The following TENM2 variants were observed in gnomAD, a reference collection of about 807,000 sequenced individuals.
TENM2 encodes the protein teneurin-2.
A neutral mutation model predicts 245.2 loss-of-function variants in TENM2; 52 were observed. The ratio of observed to expected loss-of-function variants is 0.21; its 90% confidence interval spans 0.17 to 0.27. The LOEUF is 0.27. Among genes scored for constraint, TENM2 ranks in the 10% least tolerant of loss-of-function variants. TENM2 has a pLI of 1.00. For synonymous variants in TENM2, 1,363 were observed against 1,438.9 expected (o/e 0.95, Z 1.19); for missense variants, 3,046 against 3,666.8 (o/e 0.83, Z 4.37).
At chr5:168,122,377 C>T (rs57005148) in intron 10 of TENM2, among the ~76,000 whole-genome samples, 45,783 of 151,962 alleles carry the variant, frequency 0.3, 7,369 homozygotes, top group East Asian at 0.62. Flanking sequence ...AGAGTTTCAC[C>T]GTGTTAGCCA....
intron 1 of TENM2, among the ~76,000 whole-genome samples, chr5:167,337,634 A>G (rs1001840548): frequency 7.2e-5 from 11 of 152,194 alleles, no homozygotes; most frequent in Non-Finnish European, 1.2e-4. Context: ...ATGAGCAGTC[A>G]TCTTCCAGAA....
At chr5:167,919,193 T>C (rs1777166470) in intron 3 of TENM2, among the ~76,000 whole-genome samples, 1 of 152,196 alleles carries the variant, frequency 6.6e-6, no homozygotes, top group Admixed American at 6.5e-5. Flanking sequence ...GATCAACAAT[T>C]TGTTTTAATC....
intron 17 of TENM2, among the ~76,000 whole-genome samples, chr5:168,201,700 G>T (rs546749397): frequency 6.6e-6 from 1 of 152,184 alleles, no homozygotes; most frequent in South Asian, 2.1e-4. Context: ...CTTTGTCTCA[G>T]GATCCCATTA....
chr5:167,696,150 TATG>T lies in TENM2; in HGVS notation c.503-179833_503-179831del, dbSNP rs1365704249. 5.9e-5 allele frequency among the ~76,000 whole-genome samples: 9 copies of T among 152,300 alleles called. No homozygotes were observed. In the South Asian group the frequency reaches 6.2e-4, roughly 11 times the overall value. ...ATGATGAAAATCATGAGGTGATATT[TATG>T]ATATTTGAAGGGTTGGTATTTGGGA... On this transcript the variant is annotated intron_variant, in intron 2 of 28. Transcript: ENST00000518659.
intron 3 of TENM2, among the ~76,000 whole-genome samples, chr5:167,923,476 A>G (rs1344277338): frequency 6.6e-6 from 1 of 152,168 alleles, no homozygotes; most frequent in Non-Finnish European, 1.5e-5. Flanking sequence ...TAAATAATTT[A>G]AATTACCTGT....
chr5:167,959,477 C>T lies in TENM2; in HGVS notation c.947+6655C>T, dbSNP rs1470268534. ...CTTCAATCCCTGAAATCCTTTCTTC[C>T]ACTTAATCTATTTGGCTATTGATAC... On this transcript the variant is annotated intron_variant, in intron 4 of 28. Transcript: ENST00000518659. 2.6e-5 allele frequency among the ~76,000 whole-genome samples: 4 copies of T among 152,270 alleles called. No individual in the cohort carries two copies. In the East Asian group the frequency reaches 7.7e-4, roughly 29 times the overall value.
intron 2 of TENM2, among the ~76,000 whole-genome samples, chr5:167,439,887 A>G: frequency 6.6e-6 from 1 of 152,204 alleles, no homozygotes; most frequent in Non-Finnish European, 1.5e-5. Flanking sequence ...CCGTGGCCAC[A>G]TTTTAAAAGA....
At chr5:167,827,832 C>T (rs1768117864) in intron 2 of TENM2, among the ~76,000 whole-genome samples, 1 of 152,062 alleles carries the variant, frequency 6.6e-6, no homozygotes, top group African/African-American at 2.4e-5. Flanking sequence ...CATAGCAAAA[C>T]TCTCCACCTT....
intron 4 of TENM2, among the ~76,000 whole-genome samples, chr5:167,971,721 C>T (rs866294300): frequency 6.6e-6 from 1 of 151,028 alleles, no homozygotes; most frequent in African/African-American, 2.4e-5. Context: ...ACAAACAAAA[C>T]AAAACAAAAC....
At chr5:167,571,322 A>G (rs1285031384) in intron 2 of TENM2, among the ~76,000 whole-genome samples, 1 of 152,190 alleles carries the variant, frequency 6.6e-6, no homozygotes, top group Non-Finnish European at 1.5e-5. Flanking sequence ...TAGGTAGTGG[A>G]GCTGGGATTC....
At chr5:167,239,068 T>A in the TENM2 span, among the ~76,000 whole-genome samples, 1 of 152,006 alleles carries the variant, frequency 6.6e-6, no homozygotes, top group Non-Finnish European at 1.5e-5. Context: ...ACGAAATAAA[T>A]CCCCCAAAAC....
intron 8 of TENM2, among the ~76,000 whole-genome samples, chr5:168,093,277 G>A (rs1344128010): frequency 2.6e-5 from 4 of 152,318 alleles, no homozygotes; most frequent in South Asian, 4.1e-4. Context: ...ACCCTGGCCT[G>A]TTGGAGCTGG....
chr5:168,096,756 G>C (rs1793402525), intron 8 of TENM2, among the ~76,000 whole-genome samples: 1 of 152,126 alleles, frequency 6.6e-6, no homozygotes, highest in Admixed American at 6.5e-5. Flanking sequence ...CTCTCCAAGG[G>C]TGATATAACA....
chr5:167,464,244 T>TAGAGAG (rs373765222), intron 2 of TENM2, among the ~76,000 whole-genome samples: 1 of 150,726 alleles, frequency 6.6e-6, no homozygotes, highest in Non-Finnish European at 1.5e-5. Flanking sequence ...AAAGATGCTT[T>TAGAGAG]AGAGAGAGAG....
intron 1 of TENM2, among the ~76,000 whole-genome samples, chr5:167,324,704 A>C (rs1385819797): frequency 6.6e-5 from 10 of 152,228 alleles, no homozygotes; most frequent in Non-Finnish European, 1.3e-4. Flanking sequence ...TATGAAATAG[A>C]AATAAACATG....
At chr5:167,827,131 C>CT (rs1768034022) in intron 2 of TENM2, among the ~76,000 whole-genome samples, 1 of 152,230 alleles carries the variant, frequency 6.6e-6, no homozygotes, top group Middle Eastern at 3.2e-3. Flanking sequence ...GGCCTTCCCA[C>CT]TGCTGCTGTT....
the TENM2 span, among the ~76,000 whole-genome samples, chr5:167,230,412 G>C: frequency 3.3e-5 from 5 of 152,132 alleles, no homozygotes; most frequent in African/African-American, 9.7e-5. Context: ...ACACTTCTCT[G>C]TTGGATTCCA....
At chr5:167,617,182 T>C (rs1010907418) in intron 2 of TENM2, among the ~76,000 whole-genome samples, 4 of 152,172 alleles carry the variant, frequency 2.6e-5, no homozygotes, top group African/African-American at 9.7e-5. Context: ...AACTTTTTAA[T>C]GTATTTTCTC....
At chr5:167,333,699 C>A (rs568421901) in intron 1 of TENM2, among the ~76,000 whole-genome samples, 14 of 152,250 alleles carry the variant, frequency 9.2e-5, no homozygotes, top group African/African-American at 3.1e-4. Flanking sequence ...TGTCCCTTTG[C>A]TCCAGGGGGA....
Sources: allele counts gnomAD v4.1 joint callset (sites outside exome capture counted in the v4.1 genomes callset), GRCh38; gene constraint gnomAD v4.1.1; transcripts MANE v1.5; gene names NCBI Gene and HGNC (gene_info 2026-07-23, HGNC 2026-07-21).